The following ADIPOR2 variants were observed in gnomAD, a reference collection of about 807,000 sequenced individuals.
ADIPOR2 encodes adiponectin receptor protein 2.
Under a neutral mutation model 40.9 loss-of-function variants are expected in ADIPOR2, and 18 were observed. The observed-to-expected ratio is 0.44, with a 90% CI of 0.30 to 0.65. The LOEUF is 0.65. ADIPOR2 is among the 30% of genes least tolerant of loss of function. The pLI is 0.09. For synonymous variants in ADIPOR2, 165 were observed against 166.4 expected, an observed-to-expected ratio of 0.99 and a Z score of 0.06; for missense variants, 283 against 479.2, an observed-to-expected ratio of 0.59 and a Z score of 3.82.
Position 1,780,875 on chromosome 12 carries a change from T to C in ADIPOR2, c.651-14T>C, listed in dbSNP as rs745994692. 1.3e-6 allele frequency: 2 copies of C among 1,564,324 alleles called. No homozygotes were observed. The highest frequency in any genetic ancestry group is 2.8e-5 in the African/African-American group (2 of 72,132). ...AAATTACTGCATTAAATGGATTTTT[T>C]TTTTCTGTCATAGACTGGATTACTC... On this transcript the variant is annotated splice_polypyrimidine_tract_variant and intron_variant, in intron 5 of 7. Transcript: ENST00000357103.
chr12:1,725,869 G>C (rs1263783256), intron 1 of ADIPOR2, among the ~76,000 whole-genome samples: 1 of 151,794 alleles, frequency 6.6e-6, no homozygotes, highest in Non-Finnish European at 1.5e-5. Flanking sequence ...TTTTCCCCTA[G>C]AGAATGTGAT....
At chr12:1,777,113 C>G (rs1456690676) in intron 3 of ADIPOR2, among the ~76,000 whole-genome samples, 3 of 152,058 alleles carry the variant, frequency 2.0e-5, no homozygotes, top group East Asian at 3.9e-4. Flanking sequence ...GCAAAAGGCA[C>G]AAAAGTATGA....
intron 1 of ADIPOR2, among the ~76,000 whole-genome samples, chr12:1,692,782 G>C (rs1040896918): frequency 7.4e-5 from 11 of 149,380 alleles, no homozygotes. Flanking sequence ...AAATAATTTT[G>C]TTTTATTCTT....
At chr12:1,717,434 C>T (rs913151151) in intron 1 of ADIPOR2, among the ~76,000 whole-genome samples, 6 of 152,122 alleles carry the variant, frequency 3.9e-5, no homozygotes, top group Non-Finnish European at 8.8e-5. Context: ...CCACCGGGCA[C>T]GGAGGCTCAC....
At position 1,782,227 on chromosome 12, in the gene ADIPOR2, C is replaced by T. The variant is rs542696927; in HGVS notation, c.838+1151C>T. 1.9e-4 allele frequency among the ~76,000 whole-genome samples: 29 copies of T among 152,332 alleles called. 1 individual carries two copies. The highest frequency in any genetic ancestry group is 7.0e-4 in the African/African-American group (29 of 41,568). On this transcript the variant is annotated intron_variant, in intron 6 of 7. Coordinates refer to ENST00000357103, the MANE Select transcript of ADIPOR2 (RefSeq NM_024551.3). ...CTTACCTGTTGTGAGAGCAGCATTG[C>T]CATTTTCCTCTTCTCTTTTAGATGT...
rs572865834 is a variant in ADIPOR2, at chr12:1,743,371, G to A, written c.-86-10887G>A. 5.3e-5 allele frequency among the ~76,000 whole-genome samples: 8 copies of A among 150,432 alleles called. No homozygotes were observed. The South Asian group carries it at 1.7e-3, about 32-fold the overall frequency. Reference sequence around the variant, plus strand: ...TAAATTACATCAAGTAACTTTGGAGGCAATAGTTTAAATTCTCTAAAATAC... The same window carrying A: ...TAAATTACATCAAGTAACTTTGGAGACAATAGTTTAAATTCTCTAAAATAC... On this transcript the variant is annotated intron_variant, in intron 1 of 7. Transcript: ENST00000357103.
intron 5 of ADIPOR2, 29 bp downstream of exon 5, chr12:1,780,666 C>T (rs764066042): frequency 1.3e-6 from 2 of 1,520,784 alleles, no homozygotes; most frequent in African/African-American, 2.8e-5. Flanking sequence ...CGTATTTTGG[C>T]CAATGATTTA....
At chr12:1,747,404 A>G (rs569705574) in intron 1 of ADIPOR2, among the ~76,000 whole-genome samples, 2 of 135,554 alleles carry the variant, frequency 1.5e-5, no homozygotes, top group Non-Finnish European at 3.2e-5. Context: ...AACACAGCAT[A>G]CCAAAACTTA....
intron 1 of ADIPOR2, among the ~76,000 whole-genome samples, chr12:1,742,949 G>A (rs1015853032): frequency 3.3e-5 from 5 of 152,002 alleles, no homozygotes; most frequent in African/African-American, 7.2e-5. Context: ...TTTACTTTTC[G>A]ATTTTATTTT....
In ADIPOR2 at chr12:1,695,395, G is replaced by A. The variant is rs553730047; in HGVS notation, c.-87+4204G>A. ...TGGGCTGAGGGTGGTGGCTAACGTC[G>A]GTAATCCTTGCACTTTGGGAGGCCA... On this transcript the variant is annotated intron_variant, in intron 1 of 7. Transcript: ENST00000357103. Among the ~76,000 whole-genome samples the A allele has an allele frequency of 3.3e-3, 499 of 151,526 alleles. 4 individuals carry two copies. The highest frequency in any genetic ancestry group is 9.6e-3 in the South Asian group (46 of 4,796).
At chr12:1,747,968 A>G (rs955110718) in intron 1 of ADIPOR2, among the ~76,000 whole-genome samples, 4 of 152,102 alleles carry the variant, frequency 2.6e-5, no homozygotes, top group Non-Finnish European at 1.5e-5. Context: ...TGTCTTCAGT[A>G]CATTTGTGGA....
intron 1 of ADIPOR2, among the ~76,000 whole-genome samples, chr12:1,721,629 G>T (rs1399503915): frequency 2.0e-5 from 3 of 152,214 alleles, no homozygotes; most frequent in Non-Finnish European, 2.9e-5. Flanking sequence ...AGTGGGAAAA[G>T]ATCAGTAGTA....
At chr12:1,740,936 T>G (rs2094741592) in intron 1 of ADIPOR2, among the ~76,000 whole-genome samples, 1 of 152,236 alleles carries the variant, frequency 6.6e-6, no homozygotes, top group South Asian at 2.1e-4. Flanking sequence ...AGGGGCTTCC[T>G]GAAAAGGTGA....
chr12:1,776,855 TACTA>T (rs1305937516), intron 3 of ADIPOR2, among the ~76,000 whole-genome samples: 6 of 152,248 alleles, frequency 3.9e-5, no homozygotes, highest in Non-Finnish European at 8.8e-5. Context: ...TGCCAGGGAT[TACTA>T]ACTAATTCAT....
intron 1 of ADIPOR2, among the ~76,000 whole-genome samples, chr12:1,728,703 G>A (rs962700684): frequency 2.3e-4 from 35 of 151,896 alleles, no homozygotes; most frequent in African/African-American, 8.0e-4. Context: ...TAGGCTGGGC[G>A]ACAGGGCAAG....
chr12:1,709,626 T>C (rs2094672112), intron 1 of ADIPOR2, among the ~76,000 whole-genome samples: 1 of 152,208 alleles, frequency 6.6e-6, no homozygotes, highest in African/African-American at 2.4e-5. Flanking sequence ...GATTTTATGG[T>C]AAAATATACG....
At chr12:1,707,977 G>T (rs924721850) in intron 1 of ADIPOR2, among the ~76,000 whole-genome samples, 2 of 152,058 alleles carry the variant, frequency 1.3e-5, no homozygotes, top group African/African-American at 2.4e-5. Flanking sequence ...TACAGTCAGC[G>T]CTCCTTGTCT....
chr12:1,786,164 G>A lies in ADIPOR2; in HGVS notation c.*92G>A, dbSNP rs926924415. On this transcript the variant is annotated 3_prime_UTR_variant, in exon 8 of 8. Coordinates refer to ENST00000357103, the MANE Select transcript of ADIPOR2 (RefSeq NM_024551.3). ...GGCTACTGATGCCAGTACCAGAGGA[G>A]CCCCAAAACTTTGACAGCCTCGTGG... 64 of 1,513,210 alleles carry A rather than the reference G, an allele frequency of 4.2e-5. No homozygotes were observed. The highest frequency in any genetic ancestry group is 5.5e-5 in the Non-Finnish European group (62 of 1,127,414). The allele number at this position is 1,513,210 out of a possible 1,614,324, so 93.7% of individuals were successfully genotyped here. A position where few individuals can be genotyped will look rare whatever the true frequency, so the allele number is the denominator to read the frequency against.
chr12:1,725,639 T>C (rs1022026614), intron 1 of ADIPOR2, among the ~76,000 whole-genome samples: 2 of 152,248 alleles, frequency 1.3e-5, no homozygotes, highest in African/African-American at 4.8e-5. Flanking sequence ...AAAATACTTA[T>C]TAAATGTTTA....
Sources: allele counts gnomAD v4.1 joint callset (sites outside exome capture counted in the v4.1 genomes callset), GRCh38; gene constraint gnomAD v4.1.1; transcripts MANE v1.5; gene names NCBI Gene and HGNC (gene_info 2026-07-23, HGNC 2026-07-21).